The following LPP variants were observed in gnomAD, a reference collection of about 807,000 sequenced individuals.
The protein encoded by LPP is lipoma-preferred partner.
In LPP, 38 loss-of-function variants were observed where a neutral mutation model predicts 60.4. That is an observed-to-expected ratio of 0.63 (90% CI 0.49 to 0.83). The LOEUF is 0.83. Ranked by LOEUF, LPP falls within the 40% of genes least tolerant of loss-of-function variation. LPP has a pLI of 0.00. For synonymous variants in LPP, 328 were observed against 290.8 expected, an observed-to-expected ratio of 1.13 and a Z score of -1.30; for missense variants, 902 against 783.6, an observed-to-expected ratio of 1.15 and a Z score of -1.80.
chr3:188,790,092 TTCTG>T (rs1195329386), intron 9 of LPP, among the ~76,000 whole-genome samples: 1 of 152,176 alleles, frequency 6.6e-6, no homozygotes, highest in Non-Finnish European at 1.5e-5. Flanking sequence ...CACAGTGGTA[TTCTG>T]TTTCAGAATA....
rs1288629129 is a variant in LPP, at chr3:188,182,513, T to A, written c.-190+28261T>A. 6.6e-6 allele frequency among the ~76,000 whole-genome samples: 1 copy of A among 152,158 alleles called. No individual in the cohort carries two copies. Among genetic ancestry groups the A allele is most frequent in the African/African-American group, 2.4e-5 (1 of 41,434 alleles). On this transcript the variant is annotated intron_variant, in intron 1 of 11. Coordinates refer to ENST00000617246, the MANE Select transcript of LPP (RefSeq NM_001375462.1). This position sits in a 1 kb window ranked among gnomAD's most constrained non-coding sequence, Gnocchi z 4.4. ...CTGCCATCTGGCCTAGTGAGACCTA[T>A]GTGGCTGCCATTGTTTTTGGCTGGG...
At chr3:188,565,843 T>C (rs559165356) in intron 6 of LPP, among the ~76,000 whole-genome samples, 8 of 152,110 alleles carry the variant, frequency 5.3e-5, no homozygotes, top group African/African-American at 1.7e-4. Flanking sequence ...GGACAATGTA[T>C]AGAAGTTTCT....
chr3:188,680,843 G>C lies in LPP; in HGVS notation c.1114-27424G>C. On this transcript the variant is annotated intron_variant, in intron 7 of 11. Transcript: ENST00000617246. ...ATCTGGGAAAGTCTCATTATGAAAC[G>C]CAAGTTTTATCTTTCATACTCAGCG... is the stretch of plus-strand genomic sequence containing the variant. Among the ~76,000 whole-genome samples, 3 of 152,192 alleles carry C rather than the reference G, an allele frequency of 2.0e-5. No homozygotes were observed. In the South Asian group the frequency reaches 6.2e-4, roughly 32 times the overall value.
At chr3:188,522,746 A>T (rs1819230616) in intron 5 of LPP, among the ~76,000 whole-genome samples, 1 of 148,080 alleles carries the variant, frequency 6.8e-6, no homozygotes. Context: ...GAAGGAGAAA[A>T]TCATAAGGTG....
At chr3:188,500,548 CTT>C (rs540349336) in intron 5 of LPP, among the ~76,000 whole-genome samples, 111 of 152,146 alleles carry the variant, frequency 7.3e-4, no homozygotes, top group African/African-American at 2.5e-3. Context: ...CATGTAGTAT[CTT>C]TGTCGGACTT....
At chr3:188,469,586 T>C (rs1221820105) in intron 4 of LPP, among the ~76,000 whole-genome samples, 1 of 152,168 alleles carries the variant, frequency 6.6e-6, no homozygotes, top group Admixed American at 6.6e-5. Context: ...AGGCTCCGTA[T>C]GCAGTTCCTT....
At chr3:188,526,455 C>T (rs1363423008) in intron 6 of LPP, among the ~76,000 whole-genome samples, 1 of 152,104 alleles carries the variant, frequency 6.6e-6, no homozygotes, top group Non-Finnish European at 1.5e-5. Context: ...CCACGCCCAG[C>T]TAATTTTTGT....
At position 188,609,131 on chromosome 3, in the gene LPP, T is replaced by C. The variant is rs770511400; in HGVS notation, c.430-30T>C. 4 of 1,516,038 alleles carry C rather than the reference T, an allele frequency of 2.6e-6. No homozygotes were observed. Among genetic ancestry groups the C allele is most frequent in the Non-Finnish European group, 3.6e-6 (4 of 1,125,002 alleles). The allele number at this position is 1,516,038 out of a possible 1,614,324, so 93.9% of individuals were successfully genotyped here. On this transcript the variant is annotated intron_variant, in intron 6 of 11. Transcript: ENST00000617246. This position sits in a 1 kb window ranked among gnomAD's most constrained non-coding sequence, Gnocchi z 6.9. The stretch of plus-strand genomic sequence containing the variant: ...TTCGTTGGCAGTAATTTTTGCTTTC[T>C]TTCTTTCTTTTTTTTCCTATTCTTT...
chr3:188,592,756 G>A (rs890596352), intron 6 of LPP, among the ~76,000 whole-genome samples: 1 of 151,796 alleles, frequency 6.6e-6, no homozygotes, highest in African/African-American at 2.4e-5. Flanking sequence ...TGGCCAGGCT[G>A]ATCTTGAACT....
chr3:188,178,029 A>G (rs1362971713), intron 1 of LPP, among the ~76,000 whole-genome samples: 2 of 152,208 alleles, frequency 1.3e-5, no homozygotes, highest in Non-Finnish European at 2.9e-5. Context: ...GAGTGTTGAT[A>G]TAGCTGACAC....
chr3:188,546,563 C>G (rs1826706486), intron 6 of LPP, among the ~76,000 whole-genome samples: 1 of 152,066 alleles, frequency 6.6e-6, no homozygotes, highest in South Asian at 2.1e-4. Context: ...ATGATTTTGC[C>G]TTTAATTTAA....
At chr3:188,432,634 A>G (rs978487988) in intron 4 of LPP, among the ~76,000 whole-genome samples, 2 of 152,014 alleles carry the variant, frequency 1.3e-5, no homozygotes, top group African/African-American at 4.8e-5. Flanking sequence ...GAATAAAGAA[A>G]TGAATGTCTT....
chr3:188,484,590 A>T lies in LPP; in HGVS notation c.194-2A>T. On this transcript the variant is annotated splice_acceptor_variant, in intron 4 of 11. Transcript: ENST00000617246. LOFTEE classifies it high-confidence loss of function. ...TTCATGTTGTTTACTTCTTTTCTGT[A>T]GGTGATTTTCTTCCACCCCCACCTC... The T allele has an allele frequency of 6.3e-7, 1 of 1,598,246 alleles. No homozygotes were observed. The highest frequency in any genetic ancestry group is 8.6e-7 in the Non-Finnish European group (1 of 1,166,014).
At position 188,889,096 on chromosome 3, in the gene LPP, A is replaced by G. The variant is rs1770986726; in HGVS notation, c.*14617A>G. The G allele has an allele frequency of 4.4e-6, 1 of 226,236 alleles. No individual in the cohort carries two copies. 14.0% of individuals were successfully genotyped at this position (226,236 alleles called of 1,614,324 possible). ...TTCTCCTTTTGTCTCTCAGGCTAAC[A>G]TGAGAGAAAATAGAAAAGTCTTGGC... On this transcript the variant is annotated 3_prime_UTR_variant, in exon 12 of 12. Coordinates refer to ENST00000617246, the MANE Select transcript of LPP (RefSeq NM_001375462.1).
chr3:188,157,291 C>G (rs1385596584), intron 1 of LPP, among the ~76,000 whole-genome samples: 1 of 151,976 alleles, frequency 6.6e-6, no homozygotes, highest in East Asian at 1.9e-4. Context: ...GGTCATATAG[C>G]TAATTAGGGA....
At chr3:188,866,600 G>T (rs1021428811) in intron 10 of LPP, among the ~76,000 whole-genome samples, 2 of 152,134 alleles carry the variant, frequency 1.3e-5, no homozygotes, top group African/African-American at 4.8e-5. Context: ...CTTCCCCAGA[G>T]CTTGTCCATT....
chr3:188,598,381 T>G (rs180859499), intron 6 of LPP, among the ~76,000 whole-genome samples: 3 of 152,260 alleles, frequency 2.0e-5, no homozygotes, highest in Admixed American at 6.5e-5. Flanking sequence ...TACGTGTGTA[T>G]GTGTTTGTTG....
chr3:188,230,896 C>A (rs1577414236), intron 2 of LPP, among the ~76,000 whole-genome samples: 1 of 152,332 alleles, frequency 6.6e-6, no homozygotes, highest in Non-Finnish European at 1.5e-5. Flanking sequence ...GTTGCTGGAC[C>A]TGCAGTCTCA....
intron 1 of LPP, among the ~76,000 whole-genome samples, chr3:188,166,408 AT>A (rs1719961066): frequency 2.6e-5 from 4 of 152,136 alleles, no homozygotes; most frequent in African/African-American, 9.7e-5. Context: ...CATGTGGGAG[AT>A]ATTGGTAGCT....
Sources: allele counts gnomAD v4.1 joint callset (sites outside exome capture counted in the v4.1 genomes callset), GRCh38; gene constraint gnomAD v4.1.1; non-coding constraint Gnocchi (gnomAD v3.1); transcripts MANE v1.5; gene names NCBI Gene and HGNC (gene_info 2026-07-23, HGNC 2026-07-21).